Variants in TAF6L observed in about 807,000 individuals in gnomAD.
TAF6L encodes TAF6-like RNA polymerase II p300/CBP-associated factor-associated factor 65 kDa subunit 6L.
A neutral mutation model predicts 57.3 loss-of-function variants in TAF6L; 34 were observed. The ratio of observed to expected loss-of-function variants is 0.59; its 90% CI spans 0.45 to 0.79. The LOEUF (loss-of-function observed/expected upper bound fraction) is 0.79. Among genes scored for constraint, TAF6L ranks in the 30% least tolerant of loss-of-function variants. The probability of loss-of-function intolerance (pLI) is 0.00; values close to 1 mark genes in which losing one functional copy is unlikely to be tolerated. For synonymous variants in TAF6L, 417 were observed against 376.3 expected, an observed-to-expected ratio of 1.11 and a Z score of -1.25; for missense variants, 782 against 853.2, an observed-to-expected ratio of 0.92 and a Z score of 1.04.
intron 1 of TAF6L, chr11:62,774,617 G>C: frequency 2.2e-6 from 1 of 455,136 alleles, no homozygotes; most frequent in Non-Finnish European, 4.4e-6. Context: ...TGCGTTGTTG[G>C]AGTGAGTCAT....
chr11:62,781,130 G>C (rs1233240387), intron 6 of TAF6L, among the ~76,000 whole-genome samples: 3 of 150,848 alleles, frequency 2.0e-5, no homozygotes, highest in African/African-American at 7.3e-5. Flanking sequence ...CAGCTACTTG[G>C]GAGGCTGAGG....
Position 62,786,649 on chromosome 11 carries a change from G to A in TAF6L, c.1222G>A (p.Gly408Arg). The A allele has an allele frequency of 6.2e-7, 1 of 1,604,230 alleles. No homozygotes were observed. Among genetic ancestry groups the A allele is most frequent in the Non-Finnish European group, 8.5e-7 (1 of 1,175,744 alleles). Residue 408 changes from glycine (G) to arginine (R), a missense_variant, in exon 11 of 11, where the codon GGG becomes AGG. By Grantham distance (125) the Gly-to-Arg change is moderately radical. This residue lies in a region of TAF6L where 483 missense variants were observed against 445.1 expected (regional missense o/e 1.09). Coordinates refer to ENST00000294168, the MANE Select transcript of TAF6L (RefSeq NM_006473.4). ...DSLLFQESSS[G>R]GGAEPSFGSG... Reference sequence around the variant, plus strand: ...CCTTCTCTTTCAAGAGTCGTCCTCCGGGGGCGGTGCAGAACCCAGCTTTGG... The same window carrying A: ...CCTTCTCTTTCAAGAGTCGTCCTCCAGGGGCGGTGCAGAACCCAGCTTTGG...
In TAF6L at chr11:62,786,983, C is replaced by CT; in HGVS notation, c.1557dup (p.Glu520Ter). The CT allele has an allele frequency of 6.9e-7, 1 of 1,456,634 alleles. No individual in the cohort carries two copies. The highest frequency in any genetic ancestry group is 2.7e-5 in the Admixed American group (1 of 36,738). The allele number at this position is 1,456,634 out of a possible 1,614,324, so 90.2% of individuals were successfully genotyped here. On this transcript the variant is annotated frameshift_variant, in exon 11 of 11. Coordinates refer to ENST00000294168, the MANE Select transcript of TAF6L (RefSeq NM_006473.4). LOFTEE classifies it high-confidence loss of function. ...GCGTCGGCCTCTGGGCCCGCCGCCT[C>CT]TGAGAGCAGGCCCTTGCCGCGCGTG...
Position 62,778,532 on chromosome 11 carries a change from T to C in TAF6L, c.436+197T>C, listed in dbSNP as rs577569318. On this transcript the variant is annotated intron_variant, in intron 5 of 10. Coordinates refer to ENST00000294168, the MANE Select transcript of TAF6L (RefSeq NM_006473.4). ...GGGGGCCCAGACCTGTAACTAGTCA[T>C]AATGCAGCATGTTGGATGCTAAGAC... 1.5e-4 allele frequency: 98 copies of C among 655,580 alleles called. 1 individual carries two copies. The South Asian group carries it at 1.7e-3, about 11-fold the overall frequency. 40.6% of individuals were successfully genotyped at this position (655,580 alleles called of 1,614,324 possible). A position where few individuals can be genotyped will look rare whatever the true frequency, so the allele number is the denominator to read the frequency against.
Position 62,775,885 on chromosome 11 carries a change from G to C in TAF6L, c.102G>C (p.Ala34=), listed in dbSNP as rs149856351. Residue 34 remains alanine, a synonymous_variant, in exon 2 of 11, where the codon GCG becomes GCC. Transcript: ENST00000294168. The part of the protein sequence containing the change: ...TGLELSDEVA[A]LLAEDVCYRL... Reference sequence around the variant, plus strand: ...TGGAGCTGAGCGATGAGGTGGCGGCGCTGCTCGCAGAGGACGTGTGCTATC... The same window carrying C: ...TGGAGCTGAGCGATGAGGTGGCGGCCCTGCTCGCAGAGGACGTGTGCTATC... 4.2e-4 allele frequency: 679 copies of C among 1,613,928 alleles called. 2 individuals are homozygous for C. Among genetic ancestry groups the C allele is most frequent in the East Asian group, 5.1e-4 (23 of 44,884 alleles).
chr11:62,786,256 C>T lies in TAF6L; in HGVS notation c.961-4C>T, dbSNP rs1439339971. 1 of 1,609,582 alleles carries T rather than the reference C, an allele frequency of 6.2e-7. No homozygotes were observed. The highest frequency in any genetic ancestry group is 1.1e-5 in the South Asian group (1 of 90,988). On this transcript the variant is annotated splice_region_variant and splice_polypyrimidine_tract_variant and intron_variant, in intron 9 of 10. Transcript: ENST00000294168. ...GCTAACTGTATTCCTTCTCTTCCTT[C>T]CAGGCAGTAGAACGAGTCCTGTACC...
intron 5 of TAF6L, 51 bp from the exon 6 acceptor site, chr11:62,778,818 G>C (rs775720667): frequency 6.6e-7 from 1 of 1,522,774 alleles, no homozygotes; most frequent in South Asian, 1.1e-5. Context: ...GGAGAGGCCA[G>C]GAGAGGGCCA....
chr11:62,786,945 C>G lies in TAF6L; in HGVS notation c.1518C>G (p.Gly506=). 1 of 1,457,792 alleles carries G rather than the reference C, an allele frequency of 6.9e-7. No homozygotes were observed. The highest frequency in any genetic ancestry group is 1.4e-5 in the South Asian group (1 of 73,916). The allele number at this position is 1,457,792 out of a possible 1,614,324, so 90.3% of individuals were successfully genotyped here. The part of the protein sequence containing the change: ...PHGDESPRGS[G]GGGPASASGP... ...GCGACGAGAGCCCCCGGGGCAGCGG[C>G]GGAGGCGGCCCCGCGTCGGCCTCTG... Residue 506 remains glycine, a synonymous_variant, in exon 11 of 11, where the codon GGC becomes GGG. Transcript: ENST00000294168.
Position 62,787,287 on chromosome 11 carries a change from G to C in TAF6L, c.1860G>C (p.Leu620Phe), listed in dbSNP as rs747071583. The part of the protein sequence containing the change: ...RWALSDYSLY[L>F]PL ...CGCTCTCGGACTACTCGCTGTACTT[G>C]CCGCTCTGAGTCAGTGGCCCCTTCG... The change falls in exon 11 of 11, where the codon TTG (leucine) becomes TTC (phenylalanine). Residue 620 changes from leucine (L) to phenylalanine (F), a missense_variant. Leu to Phe is a conservative substitution (Grantham distance 22). Coordinates refer to ENST00000294168, the MANE Select transcript of TAF6L (RefSeq NM_006473.4). 53 of 1,543,620 alleles carry C rather than the reference G, an allele frequency of 3.4e-5. No homozygotes were observed. The highest frequency in any genetic ancestry group is 4.1e-5 in the Non-Finnish European group (47 of 1,152,520).
At position 62,781,985 on chromosome 11, in the gene TAF6L, G is replaced by T. The variant is rs767333499; in HGVS notation, c.606+17G>T. 1.2e-4 allele frequency: 192 copies of T among 1,613,316 alleles called. No individual in the cohort carries two copies. Among genetic ancestry groups the T allele is most frequent in the Non-Finnish European group, 1.4e-4 (168 of 1,179,684 alleles). On this transcript the variant is annotated intron_variant, in intron 7 of 10. Coordinates refer to ENST00000294168, the MANE Select transcript of TAF6L (RefSeq NM_006473.4). ...GTCAGTGGGGTAAGTGACCAGGCTGGGACAGGGAGAATGTTTTATAAGGAA... is the reference window on the plus strand; with the variant it reads ...GTCAGTGGGGTAAGTGACCAGGCTGTGACAGGGAGAATGTTTTATAAGGAA...
rs376177697 is a variant in TAF6L, at chr11:62,778,970, G to C, written c.531+7G>C. Reference sequence around the variant, plus strand: ...TGATCCGCAACTGATGAAGGTGAGCGAGTGGGCCCAAGTTGGGGCACAAAG... The same window carrying C: ...TGATCCGCAACTGATGAAGGTGAGCCAGTGGGCCCAAGTTGGGGCACAAAG... On this transcript the variant is annotated splice_region_variant and intron_variant, in intron 6 of 10. Transcript: ENST00000294168. The C allele has an allele frequency of 6.2e-7, 1 of 1,612,610 alleles. No homozygotes were observed. The highest frequency in any genetic ancestry group is 1.3e-5 in the African/African-American group (1 of 74,954).
In TAF6L at chr11:62,786,320, C is replaced by T; in HGVS notation, c.1021C>T (p.Leu341=). The T allele has an allele frequency of 6.2e-7, 1 of 1,614,174 alleles. No individual in the cohort carries two copies. Among genetic ancestry groups the T allele is most frequent in the Non-Finnish European group, 8.5e-7 (1 of 1,180,024 alleles). The change falls in exon 10 of 11, where the codon CTG becomes TTG. Residue 341 remains leucine, a synonymous_variant. Transcript: ENST00000294168. ...STYWTNLQAV[L]DDYSVSNAQV... ...CTACTGGACAAACTTGCAGGCTGTG[C>T]TGGATGATTATTCAGTATCTAATGC...
chr11:62,785,255 G>A (rs1156470642), intron 9 of TAF6L, among the ~76,000 whole-genome samples: 4 of 151,248 alleles, frequency 2.6e-5, no homozygotes, highest in African/African-American at 9.7e-5. Context: ...GCAATGGCGC[G>A]ACCTCGGCTC....
Position 62,778,064 on chromosome 11 carries a change from G to C in TAF6L, c.321G>C (p.Val107=). The C allele has an allele frequency of 1.2e-6, 2 of 1,614,190 alleles. No individual in the cohort carries two copies. Among genetic ancestry groups the C allele is most frequent in the South Asian group, 2.2e-5 (2 of 91,084 alleles). The change falls in exon 4 of 11, where the codon GTG becomes GTC. Residue 107 remains valine, a synonymous_variant. Coordinates refer to ENST00000294168, the MANE Select transcript of TAF6L (RefSeq NM_006473.4). ...TCTACTTTCCTGAGGATCGAGAGGT[G>C]AACCTGGTGGAGCTGGCCCTGGCTA... ...GELYFPEDRE[V]NLVELALATN... is the part of the protein sequence containing the mutation.
intron 6 of TAF6L, among the ~76,000 whole-genome samples, chr11:62,779,952 C>CTACA (rs1554996873): frequency 1.0e-5 from 1 of 100,056 alleles, no homozygotes. Context: ...AGGCGTGAGC[C>CTACA]TATATATATA....
intron 9 of TAF6L, among the ~76,000 whole-genome samples, chr11:62,784,749 C>T (rs1282779687): frequency 6.6e-6 from 1 of 152,076 alleles, no homozygotes; most frequent in Non-Finnish European, 1.5e-5. Context: ...TTTATAGTTC[C>T]ATGATACACT....
rs2084281586 is a variant in TAF6L, at chr11:62,786,741, C to G, written c.1314C>G (p.Ala438=). 1 of 1,613,048 alleles carries G rather than the reference C, an allele frequency of 6.2e-7. No individual in the cohort carries two copies. Among genetic ancestry groups the G allele is most frequent in the South Asian group, 1.1e-5 (1 of 91,074 alleles). Residue 438 remains alanine, a synonymous_variant, in exon 11 of 11, where the codon GCC becomes GCG. Transcript: ENST00000294168. ...ACCCTTCTCTTTCGGTGACCCTGGC[C>G]GACATCTACCGGGAGCTCTACGCCT... ...PEDPSLSVTL[A]DIYRELYAFF...
chr11:62,784,974 ATTTAC>A (rs978734593), intron 9 of TAF6L, among the ~76,000 whole-genome samples: 13 of 151,726 alleles, frequency 8.6e-5, no homozygotes, highest in African/African-American at 3.1e-4. Context: ...TCTTTTTTAT[ATTTAC>A]TTTAATAAGA....
At chr11:62,781,670 A>AT in intron 6 of TAF6L, 1 of 458,824 alleles carries the variant, frequency 2.2e-6, no homozygotes. Context: ...CTCAAAAAAA[A>AT]AAAAAAAAGT....
Sources: gnomAD v4.1 joint callset for allele counts (sites outside exome capture counted in the v4.1 genomes callset) on GRCh38, gnomAD v4.1.1 for gene constraint, gnomAD v4.1.1 regional missense constraint, MANE v1.5 for transcripts, NCBI Gene and HGNC (gene_info 2026-07-23, HGNC 2026-07-21) for gene names.